CD96: variants seen among roughly 807,000 people sequenced by gnomAD.
The protein encoded by CD96 is T-cell surface protein tactile.
CD96 carries 70 observed loss-of-function variants against 71.3 expected under a neutral mutation model. That is an observed-to-expected ratio of 0.98 (90% CI 0.81 to 1.20). The LOEUF (loss-of-function observed/expected upper bound fraction) is 1.20. Ranked by LOEUF, CD96 falls within the 50% of genes most tolerant of loss-of-function variation. The pLI, the probability that CD96 is intolerant of heterozygous loss-of-function variation, is 0.00. For synonymous variants in CD96, 248 were observed against 233.0 expected, an observed-to-expected ratio of 1.06 and a Z score of -0.59; for missense variants, 742 against 677.5, an observed-to-expected ratio of 1.10 and a Z score of -1.06.
At chr3:111,567,690 A>G in intron 3 of CD96, 43 bp downstream of exon 3, 1 of 1,551,698 alleles carries the variant, frequency 6.4e-7, no homozygotes, top group Non-Finnish European at 8.9e-7. Flanking sequence ...ATGGTCTTTA[A>G]ACATTAACGA....
At chr3:111,576,576 C>T (rs1339429439) in intron 3 of CD96, among the ~76,000 whole-genome samples, 3 of 151,984 alleles carry the variant, frequency 2.0e-5, no homozygotes, top group Admixed American at 6.6e-5. Flanking sequence ...TATTTGTCCC[C>T]GGTTCTGGGC....
intron 8 of CD96, among the ~76,000 whole-genome samples, chr3:111,613,675 T>C (rs1938072180): frequency 6.6e-6 from 1 of 152,218 alleles, no homozygotes; most frequent in African/African-American, 2.4e-5. Context: ...AATTACACAT[T>C]TGTCCAGAAA....
At chr3:111,610,571 G>A (rs1212925327) in intron 8 of CD96, among the ~76,000 whole-genome samples, 2 of 152,202 alleles carry the variant, frequency 1.3e-5, no homozygotes, top group Non-Finnish European at 2.9e-5. Context: ...TTAATGAGGG[G>A]AGGAGAACTT....
chr3:111,664,348 T>A (rs1940431132), intron 14 of CD96, among the ~76,000 whole-genome samples: 1 of 152,110 alleles, frequency 6.6e-6, no homozygotes, highest in South Asian at 2.1e-4. Context: ...TGAAATCATG[T>A]CCTTTGCAGC....
At chr3:111,575,966 A>G (rs539372116) in intron 3 of CD96, among the ~76,000 whole-genome samples, 101 of 152,312 alleles carry the variant, frequency 6.6e-4, no homozygotes, top group African/African-American at 2.4e-3. Flanking sequence ...ATAGCAATGA[A>G]TCTCCATAAT....
chr3:111,601,474 C>G (rs1367327886), intron 7 of CD96, among the ~76,000 whole-genome samples: 1 of 152,072 alleles, frequency 6.6e-6, no homozygotes, highest in Non-Finnish European at 1.5e-5. Flanking sequence ...TAGGATTACT[C>G]TAGTTATTAT....
intron 3 of CD96, among the ~76,000 whole-genome samples, chr3:111,576,932 A>G (rs1936245224): frequency 6.6e-6 from 1 of 152,104 alleles, no homozygotes; most frequent in African/African-American, 2.4e-5. Context: ...TTTATAACTG[A>G]AGACTCTAGA....
chr3:111,572,635 T>C (rs1328399592), intron 3 of CD96, among the ~76,000 whole-genome samples: 2 of 152,194 alleles, frequency 1.3e-5, no homozygotes, highest in African/African-American at 4.8e-5. Context: ...AGAAACTTCC[T>C]ATACTGAACT....
chr3:111,551,510 A>G (rs1312143895), intron 2 of CD96, among the ~76,000 whole-genome samples: 1 of 152,184 alleles, frequency 6.6e-6, no homozygotes, highest in Non-Finnish European at 1.5e-5. Context: ...CTTCAAAATC[A>G]TTTTGAAATT....
intron 2 of CD96, among the ~76,000 whole-genome samples, chr3:111,562,027 T>A (rs960446931): frequency 6.6e-6 from 1 of 152,226 alleles, no homozygotes; most frequent in Admixed American, 6.5e-5. Context: ...CCTGACCCCT[T>A]GCACTTCCCA....
intron 10 of CD96, among the ~76,000 whole-genome samples, chr3:111,631,360 G>T (rs1168732445): frequency 6.6e-6 from 1 of 152,008 alleles, no homozygotes; most frequent in African/African-American, 2.4e-5. Context: ...CAACAGGCAA[G>T]CTGACAGCCA....
rs1940001835 is a variant in CD96 at position 111,649,883 on chromosome 3, AGTC to A, written c.*79_*81del. On this transcript the variant is annotated 3_prime_UTR_variant, in exon 14 of 14. Coordinates refer to ENST00000352690, the MANE Select transcript of CD96 (RefSeq NM_005816.5). ...GGTAGACATTGTGCTTTATTAATAT[AGTC>A]GCTCTTCAGCCATGCCTTTGCTGCA... is the stretch of plus-strand genomic sequence containing the variant. The A allele has an allele frequency of 3.1e-6, 3 of 962,830 alleles. No individual in the cohort carries two copies. The highest frequency in any genetic ancestry group is 5.1e-6 in the Non-Finnish European group (3 of 590,882). The allele number at this position is 962,830 out of a possible 1,614,324, so 59.6% of individuals were successfully genotyped here.
chr3:111,545,852 A>G (rs1224053251), intron 2 of CD96, among the ~76,000 whole-genome samples: 1 of 152,170 alleles, frequency 6.6e-6, no homozygotes, highest in Non-Finnish European at 1.5e-5. Flanking sequence ...TTAAAGGATA[A>G]GGCAGGTAAG....
chr3:111,606,108 C>A (rs544799222), intron 7 of CD96, among the ~76,000 whole-genome samples: 1 of 151,980 alleles, frequency 6.6e-6, no homozygotes, highest in Admixed American at 6.6e-5. Context: ...TTTCAACTCC[C>A]CCCAACACAG....
intron 5 of CD96, among the ~76,000 whole-genome samples, chr3:111,586,906 T>C (rs1236832634): frequency 6.6e-6 from 1 of 152,138 alleles, no homozygotes; most frequent in Non-Finnish European, 1.5e-5. Flanking sequence ...CAATCATTCC[T>C]TTCCAACAGT....
chr3:111,661,948 C>T (rs1940369628), intron 14 of CD96, among the ~76,000 whole-genome samples: 1 of 152,256 alleles, frequency 6.6e-6, no homozygotes, highest in South Asian at 2.1e-4. Context: ...TCCCCTTTGC[C>T]TTACCCTAGT....
chr3:111,601,023 AC>A (rs1937474112), intron 7 of CD96, 109 bp downstream of exon 7: 1 of 701,472 alleles, frequency 1.4e-6, no homozygotes, highest in African/African-American at 1.8e-5. Flanking sequence ...ATCTCAGAAA[AC>A]TTTTTATGTA....
intron 5 of CD96, among the ~76,000 whole-genome samples, chr3:111,597,380 C>G (rs1254899639): frequency 6.6e-6 from 1 of 152,162 alleles, no homozygotes; most frequent in Non-Finnish European, 1.5e-5. Context: ...TCTAAGTTCT[C>G]TGCTTTCATA....
intron 5 of CD96, among the ~76,000 whole-genome samples, chr3:111,591,338 A>C (rs1472662234): frequency 7.5e-6 from 1 of 133,326 alleles, no homozygotes; most frequent in Non-Finnish European, 1.5e-5. Context: ...GCGCCACTGC[A>C]CTCCTGCCTG....
Sources: gnomAD v4.1 joint callset for allele counts (sites outside exome capture counted in the v4.1 genomes callset) on GRCh38, gnomAD v4.1.1 for gene constraint, MANE v1.5 for transcripts, NCBI Gene and HGNC (gene_info 2026-07-23, HGNC 2026-07-21) for gene names.